DCHS2: variants seen among roughly 807,000 people sequenced by gnomAD.
DCHS2 encodes dachsous cadherin-related 2, also known as protocadherin-23.
A neutral mutation model predicts 182.4 loss-of-function variants in DCHS2; 142 were observed. The ratio of observed to expected loss-of-function variants is 0.78; its 90% CI spans 0.68 to 0.89. DCHS2 has a LOEUF of 0.89. Among genes scored for constraint, DCHS2 ranks in the 40% least tolerant of loss-of-function variants. The pLI is 0.00. For synonymous variants in DCHS2, 1,740 were observed against 1,663.3 expected (o/e 1.05, Z -1.12); for missense variants, 4,319 against 4,198.6 (o/e 1.03, Z -0.79).
intron 3 of DCHS2, chr4:154,357,391 A>G (rs1198182872): frequency 6.9e-6 from 7 of 1,018,228 alleles, no homozygotes; most frequent in East Asian, 2.4e-5. Context: ...CAGGTAAGCT[A>G]TAAGTCTGCC....
At chr4:154,479,979 G>A (rs1735856967) in intron 1 of DCHS2, among the ~76,000 whole-genome samples, 1 of 152,168 alleles carries the variant, frequency 6.6e-6, no homozygotes, top group African/African-American at 2.4e-5. Context: ...TATACACAAT[G>A]TAACAGAACA....
intron 16 of DCHS2, among the ~76,000 whole-genome samples, chr4:154,248,469 G>C (rs1023391895): frequency 2.6e-5 from 4 of 151,472 alleles, no homozygotes; most frequent in Non-Finnish European, 5.9e-5. Context: ...GTGAGGCAGT[G>C]GTTGCTGACT....
intron 1 of DCHS2, among the ~76,000 whole-genome samples, chr4:154,459,918 T>C (rs2110995321): frequency 6.6e-6 from 1 of 152,232 alleles, no homozygotes; most frequent in African/African-American, 2.4e-5. Context: ...TTAGGTAGGG[T>C]CTTCCCAACA....
At chr4:154,291,771 GAGA>G (rs61148817) in intron 13 of DCHS2, among the ~76,000 whole-genome samples, 145,554 of 152,150 alleles carry the variant, frequency 0.96, 69,979 homozygotes, top group East Asian at 1. Context: ...TAGAAATACA[GAGA>G]AGAAGGATGG....
At chr4:154,453,405 C>T (rs951382047) in intron 1 of DCHS2, among the ~76,000 whole-genome samples, 4 of 151,702 alleles carry the variant, frequency 2.6e-5, no homozygotes, top group Non-Finnish European at 4.4e-5. Flanking sequence ...TTTTTTTCAC[C>T]GTTTCTAGCA....
intron 3 of DCHS2, among the ~76,000 whole-genome samples, chr4:154,349,020 T>A (rs935726491): frequency 2.0e-5 from 3 of 152,060 alleles, no homozygotes; most frequent in Non-Finnish European, 4.4e-5. Context: ...AGTTCCTATA[T>A]CAAAGGTTTG....
intron 1 of DCHS2, among the ~76,000 whole-genome samples, chr4:154,382,466 A>G (rs1017979120): frequency 1.3e-5 from 2 of 152,136 alleles, no homozygotes; most frequent in African/African-American, 4.8e-5. Context: ...CTCAAAAGCA[A>G]TTGCAACCAA....
chr4:154,393,464 T>C (rs1731795126), intron 1 of DCHS2, among the ~76,000 whole-genome samples: 1 of 152,198 alleles, frequency 6.6e-6, no homozygotes, highest in African/African-American at 2.4e-5. Flanking sequence ...TTTAAAAAGA[T>C]CCTCTTTATG....
intron 1 of DCHS2, among the ~76,000 whole-genome samples, chr4:154,474,060 C>T (rs894329232): frequency 1.3e-5 from 2 of 152,158 alleles, no homozygotes; most frequent in Non-Finnish European, 2.9e-5. Flanking sequence ...ACAATCCTGC[C>T]TTGCCCTTTT....
chr4:154,249,232 A>G (rs190720714), intron 16 of DCHS2, among the ~76,000 whole-genome samples: 7 of 152,292 alleles, frequency 4.6e-5, no homozygotes, highest in African/African-American at 1.7e-4. Flanking sequence ...AACTTAAATC[A>G]ACAAGCAAAA....
At chr4:154,295,858 A>G (rs1254304128) in intron 13 of DCHS2, among the ~76,000 whole-genome samples, 1 of 152,176 alleles carries the variant, frequency 6.6e-6, no homozygotes, top group Non-Finnish European at 1.5e-5. Context: ...AGCCTTACCA[A>G]GAGTGGAGCC....
chr4:154,302,887 T>C (rs958385256), intron 12 of DCHS2, among the ~76,000 whole-genome samples: 3 of 146,098 alleles, frequency 2.1e-5, no homozygotes, highest in Non-Finnish European at 4.5e-5. Context: ...ACATATGAAA[T>C]ATATATACGT....
intron 2 of DCHS2, among the ~76,000 whole-genome samples, chr4:154,367,139 C>T (rs759809709): frequency 1.3e-5 from 2 of 152,220 alleles, no homozygotes; most frequent in Non-Finnish European, 2.9e-5. Context: ...AAGGGCTGAG[C>T]TCAGAGAGGC....
chr4:154,234,582 C>G lies in DCHS2; in HGVS notation c.10070G>C (p.Ser3357Thr), dbSNP rs1284296039. 1 of 1,613,702 alleles carries G rather than the reference C, an allele frequency of 6.2e-7. No homozygotes were observed. Among genetic ancestry groups the G allele is most frequent in the East Asian group, 2.2e-5 (1 of 44,858 alleles). ...TGCTTTAAGTTCATGGCATGTACCA[C>G]TGATGTGTGTTCCTAATAATTCTCC... ...REGELLGTHISGTCHELKAED... is the reference protein window; with the variant it reads ...REGELLGTHITGTCHELKAED... Residue 3357 changes from serine (S) to threonine (T), a missense_variant, in exon 20 of 20, where the codon AGT becomes ACT. By Grantham distance (58) the Ser-to-Thr change is moderately conservative. Coordinates refer to ENST00000357232, the MANE Select transcript of DCHS2 (RefSeq NM_001358235.2).
At chr4:154,271,593 C>T (rs1219818314) in intron 13 of DCHS2, among the ~76,000 whole-genome samples, 1 of 152,140 alleles carries the variant, frequency 6.6e-6, no homozygotes, top group African/African-American at 2.4e-5. Context: ...AAGTCATCTA[C>T]AGCAGCCGGA....
intron 1 of DCHS2, among the ~76,000 whole-genome samples, chr4:154,482,445 G>A (rs1037066471): frequency 6.6e-6 from 1 of 152,114 alleles, no homozygotes; most frequent in Non-Finnish European, 1.5e-5. Context: ...ATCAGACATT[G>A]AAAAAGATAG....
intron 1 of DCHS2, among the ~76,000 whole-genome samples, chr4:154,405,453 CATAT>C (rs59533046): frequency 2.5e-4 from 37 of 146,576 alleles, no homozygotes; most frequent in Non-Finnish European, 4.4e-4. Flanking sequence ...CATATTTATT[CATAT>C]ATATATATAT....
chr4:154,266,281 G>A (rs1733251023), intron 14 of DCHS2, among the ~76,000 whole-genome samples: 1 of 151,976 alleles, frequency 6.6e-6, no homozygotes, highest in African/African-American at 2.4e-5. Context: ...GATGTCAAGA[G>A]CAGATGATGT....
At position 154,234,845 on chromosome 4, in the gene DCHS2, T is replaced by G. The variant is rs778158743; in HGVS notation, c.9807A>C (p.Lys3269Asn). ...DEHLHMPGIP[K>N]EKKSFVFPPP... ...GTGGAAAAACAAAAGATTTCTTCTC[T>G]TTTGGAATGCCAGGCATATGCAAAT... is the stretch of plus-strand genomic sequence containing the variant. The change falls in exon 20 of 20, where the codon AAA becomes AAC. Residue 3269 changes from lysine to asparagine, a missense_variant. Transcript: ENST00000357232. The G allele has an allele frequency of 1.9e-6, 3 of 1,614,082 alleles. No homozygotes were observed. The highest frequency in any genetic ancestry group is 2.2e-5 in the East Asian group (1 of 44,872).
Sources: allele counts gnomAD v4.1 joint callset (sites outside exome capture counted in the v4.1 genomes callset), GRCh38; gene constraint gnomAD v4.1.1; transcripts MANE v1.5; gene names NCBI Gene and HGNC (gene_info 2026-07-23, HGNC 2026-07-21).